DAP: variants seen among roughly 807,000 people sequenced by gnomAD.
DAP encodes death-associated protein 1.
In DAP, 8 loss-of-function variants were observed where a neutral mutation model predicts 13.8. The ratio of observed to expected loss-of-function variants is 0.58; its 90% CI spans 0.34 to 1.05. The LOEUF is 1.05. DAP is among the 50% of genes least tolerant of loss of function. DAP has a pLI of 0.03. For synonymous variants in DAP, 47 were observed against 47.5 expected, an observed-to-expected ratio of 0.99 and a Z score of 0.04; for missense variants, 106 against 133.2, an observed-to-expected ratio of 0.80 and a Z score of 1.01.
intron 2 of DAP, among the ~76,000 whole-genome samples, chr5:10,704,957 C>T (rs1024289278): frequency 2.6e-5 from 4 of 152,194 alleles, no homozygotes; most frequent in Non-Finnish European, 5.9e-5. Context: ...CTTCCTACAC[C>T]TGTCGGATGC....
intron 1 of DAP, 56 bp from the exon 2 acceptor site, chr5:10,748,327 CA>C (rs1366064089): frequency 2.1e-6 from 3 of 1,453,574 alleles, no homozygotes; most frequent in Non-Finnish European, 2.9e-6. Context: ...GCCTGTGGAT[CA>C]GGGGGACCAG....
chr5:10,736,077 C>T (rs1739604161), intron 2 of DAP, among the ~76,000 whole-genome samples: 1 of 152,134 alleles, frequency 6.6e-6, no homozygotes, highest in Non-Finnish European at 1.5e-5. Flanking sequence ...ACAGGGAGAA[C>T]GTCAGGCAAA....
chr5:10,726,816 CAGAG>C (rs1401510447), intron 2 of DAP, among the ~76,000 whole-genome samples: 2 of 152,156 alleles, frequency 1.3e-5, no homozygotes, highest in Non-Finnish European at 2.9e-5. Context: ...ACCTCTGAGT[CAGAG>C]AGAGCAGAAA....
intron 2 of DAP, among the ~76,000 whole-genome samples, chr5:10,712,528 C>T (rs757430282): frequency 4.6e-5 from 7 of 152,076 alleles, no homozygotes; most frequent in East Asian, 3.9e-4. Context: ...GGACTGAGCA[C>T]GGTGTATTCT....
intron 2 of DAP, among the ~76,000 whole-genome samples, chr5:10,714,152 T>G (rs1738923816): frequency 6.6e-6 from 1 of 152,188 alleles, no homozygotes; most frequent in Non-Finnish European, 1.5e-5. Context: ...AGATTCTTAA[T>G]CTAATGGGCC....
intron 1 of DAP, among the ~76,000 whole-genome samples, chr5:10,759,023 C>T (rs1740269736): frequency 6.6e-6 from 1 of 152,126 alleles, no homozygotes; most frequent in African/African-American, 2.4e-5. Flanking sequence ...CCGGTCTCTA[C>T]TAAAAATACA....
chr5:10,748,053 C>T, intron 2 of DAP, 122 bp downstream of exon 2: 1 of 692,178 alleles, frequency 1.4e-6, no homozygotes, highest in Non-Finnish European at 2.5e-6. Flanking sequence ...GGGAAAAATA[C>T]ACAGAACAGG....
At chr5:10,760,851 G>C (rs1032672532) in intron 1 of DAP, among the ~76,000 whole-genome samples, 163 bp downstream of exon 1, 1 of 151,814 alleles carries the variant, frequency 6.6e-6, no homozygotes, top group Non-Finnish European at 1.5e-5. Flanking sequence ...CCGGGCCTGG[G>C]CGCCCGACCT....
chr5:10,696,406 T>C (rs1021507517), intron 2 of DAP, among the ~76,000 whole-genome samples: 8 of 152,114 alleles, frequency 5.3e-5, no homozygotes, highest in Admixed American at 1.3e-4. Context: ...ACAGGAGTCA[T>C]AGGCGATTCA....
intron 2 of DAP, among the ~76,000 whole-genome samples, chr5:10,690,179 G>A (rs753208065): frequency 3.9e-5 from 6 of 152,136 alleles, no homozygotes; most frequent in Non-Finnish European, 7.3e-5. Context: ...GAGGCGACTC[G>A]GCGGGAAGTG....
chr5:10,753,571 G>A (rs1241303487), intron 1 of DAP, among the ~76,000 whole-genome samples: 1 of 152,230 alleles, frequency 6.6e-6, no homozygotes, highest in African/African-American at 2.4e-5. Context: ...CCTGGGCCAA[G>A]CATCCGTCCT....
At chr5:10,757,719 G>A (rs1354214521) in intron 1 of DAP, among the ~76,000 whole-genome samples, 1 of 152,200 alleles carries the variant, frequency 6.6e-6, no homozygotes, top group Non-Finnish European at 1.5e-5. Context: ...CCACCAGTCT[G>A]CTGCCTGAAC....
chr5:10,692,115 T>C (rs1251926560), intron 2 of DAP, among the ~76,000 whole-genome samples: 1 of 152,228 alleles, frequency 6.6e-6, no homozygotes. Context: ...TGGAAAGGGC[T>C]GAGAAACCCA....
chr5:10,686,084 G>C (rs188143926), intron 2 of DAP, among the ~76,000 whole-genome samples: 4 of 152,312 alleles, frequency 2.6e-5, no homozygotes, highest in African/African-American at 7.2e-5. Flanking sequence ...ACAGTGATCT[G>C]TGGTCATTGA....
intron 2 of DAP, among the ~76,000 whole-genome samples, chr5:10,683,989 ATTTTC>A (rs1002330877): frequency 4.6e-5 from 7 of 151,792 alleles, no homozygotes; most frequent in African/African-American, 1.2e-4. Context: ...ATACCTGGCT[ATTTTC>A]TTTTATTTTT....
At chr5:10,692,156 C>T (rs1167132801) in intron 2 of DAP, among the ~76,000 whole-genome samples, 1 of 152,138 alleles carries the variant, frequency 6.6e-6, no homozygotes, top group Non-Finnish European at 1.5e-5. Flanking sequence ...CCCTAAACTC[C>T]CAAACAGCAA....
At chr5:10,690,501 C>T (rs1368665273) in intron 2 of DAP, among the ~76,000 whole-genome samples, 1 of 152,214 alleles carries the variant, frequency 6.6e-6, no homozygotes, top group Non-Finnish European at 1.5e-5. Flanking sequence ...AGCCCCTGGC[C>T]ATCACCGTGA....
chr5:10,694,732 CCATA>C (rs1266648139), intron 2 of DAP, among the ~76,000 whole-genome samples: 11 of 152,270 alleles, frequency 7.2e-5, no homozygotes, highest in Middle Eastern at 3.4e-3. Context: ...CAGCTTCTGC[CCATA>C]CAAAGTGAAT....
intron 2 of DAP, among the ~76,000 whole-genome samples, chr5:10,699,251 A>C (rs942223282): frequency 2.0e-5 from 3 of 152,220 alleles, no homozygotes; most frequent in African/African-American, 7.2e-5. Flanking sequence ...AGCATGCCTG[A>C]AAATAAGGAA....
Sources: allele counts gnomAD v4.1 joint callset (sites outside exome capture counted in the v4.1 genomes callset), GRCh38; gene constraint gnomAD v4.1.1; transcripts MANE v1.5; gene names NCBI Gene and HGNC (gene_info 2026-07-23, HGNC 2026-07-21).